DCAF4: variants seen among roughly 807,000 people sequenced by gnomAD.
DCAF4 encodes DDB1 and CUL4 associated factor 4, also known as DDB1- and CUL4-associated factor 4.
A neutral mutation model predicts 60.9 loss-of-function variants in DCAF4; 37 were observed. The ratio of observed to expected loss-of-function variants is 0.61; its 90% CI spans 0.47 to 0.80. The LOEUF is 0.80. DCAF4 is among the 30% of genes least tolerant of loss of function. The probability of loss-of-function intolerance (pLI) is 0.00; values close to 1 mark genes in which losing one functional copy is unlikely to be tolerated. For synonymous variants in DCAF4, 243 were observed against 254.8 expected, an observed-to-expected ratio of 0.95 and a Z score of 0.44; for missense variants, 577 against 650.0, an observed-to-expected ratio of 0.89 and a Z score of 1.22.
At chr14:72,930,623 ATG>A (rs1474840036) in intron 1 of DCAF4, among the ~76,000 whole-genome samples, 1 of 139,806 alleles carries the variant, frequency 7.2e-6, no homozygotes, top group African/African-American at 2.6e-5. Flanking sequence ...AGCCCAATTT[ATG>A]TGTGTATGTG....
chr14:72,928,585 T>TTATATATATATATATATATATATA (rs57258334), intron 1 of DCAF4, among the ~76,000 whole-genome samples: 5 of 15,918 alleles, frequency 3.1e-4, no homozygotes, highest in Admixed American at 9.9e-4. Flanking sequence ...TAAACATCCT[T>TTATATATATATATATATATATATA]TATATATATA....
At chr14:72,946,388 G>C (rs1890750899) in intron 7 of DCAF4, among the ~76,000 whole-genome samples, 2 of 151,950 alleles carry the variant, frequency 1.3e-5, no homozygotes, top group Admixed American at 1.3e-4. Flanking sequence ...CTGGGTAACA[G>C]AGCGAGACCC....
intron 5 of DCAF4, 76 bp from the exon 6 acceptor site, chr14:72,942,918 G>A: frequency 7.3e-7 from 1 of 1,376,442 alleles, no homozygotes; most frequent in Non-Finnish European, 1.0e-6. Context: ...AGCGGGGCAG[G>A]GAAGGCCAGA....
chr14:72,932,064 C>T (rs1888655600), intron 1 of DCAF4, among the ~76,000 whole-genome samples: 1 of 151,078 alleles, frequency 6.6e-6, no homozygotes, highest in Non-Finnish European at 1.5e-5. Flanking sequence ...TCTCGGCTCA[C>T]TGCAACCTCT....
chr14:72,951,401 C>T (rs1284074233), intron 8 of DCAF4, among the ~76,000 whole-genome samples: 2 of 151,796 alleles, frequency 1.3e-5, no homozygotes, highest in Non-Finnish European at 2.9e-5. Flanking sequence ...CACGTGAGGT[C>T]GGGTGTTCGA....
At position 72,959,147 on chromosome 14, in the gene DCAF4, C is replaced by T. The variant is rs1892666838; in HGVS notation, c.*342C>T. 1 of 1,012,652 alleles carries T rather than the reference C, an allele frequency of 9.9e-7. No homozygotes were observed. The highest frequency in any genetic ancestry group is 5.3e-5 in the Admixed American group (1 of 18,880). 62.7% of individuals were successfully genotyped at this position (1,012,652 alleles called of 1,614,324 possible). On this transcript the variant is annotated 3_prime_UTR_variant, in exon 14 of 14. Coordinates refer to ENST00000358377, the MANE Select transcript of DCAF4 (RefSeq NM_015604.4). ...GGCAAAAACGAAAAGCTTCTTCCTC[C>T]AAGAGCCCATTGAAGAAGCCCAGTG...
At chr14:72,933,671 C>T (rs963862045) in intron 1 of DCAF4, among the ~76,000 whole-genome samples, 4 of 152,132 alleles carry the variant, frequency 2.6e-5, no homozygotes, top group Admixed American at 1.3e-4. Flanking sequence ...TCTCTTTAGG[C>T]TCAATTTCTC....
intron 9 of DCAF4, among the ~76,000 whole-genome samples, chr14:72,953,677 T>A (rs1397907223): frequency 1.8e-5 from 2 of 112,722 alleles, no homozygotes; most frequent in South Asian, 3.3e-4. Context: ...GCCACTGCAC[T>A]CCAGACTGGG....
rs146404515 is a variant in DCAF4 at position 72,948,838 on chromosome 14, G to A, written c.728+1647G>A. ...TCTGCATTTTTCCTGCAAGAGTGGT[G>A]GGAAGTTAGATGGAATTCTTTCTAC... On this transcript the variant is annotated intron_variant, in intron 8 of 13. Transcript: ENST00000358377. 4.7e-4 allele frequency among the ~76,000 whole-genome samples: 71 copies of A among 152,288 alleles called. 2 individuals are homozygous for A. The East Asian group carries it at 0.012, about 25-fold the overall frequency.
At chr14:72,961,162 C>T (rs1044030009), downstream of DCAF4, among the ~76,000 whole-genome samples, 1 of 152,142 alleles carries the variant, frequency 6.6e-6, no homozygotes, top group African/African-American at 2.4e-5. Context: ...GCTGGCATTA[C>T]AGACACGAGC....
At chr14:72,951,978 G>T (rs925942119) in intron 9 of DCAF4, 101 bp downstream of exon 9, 1 of 1,266,126 alleles carries the variant, frequency 7.9e-7, no homozygotes, top group South Asian at 1.2e-5. Context: ...GAGGCACTGT[G>T]GGAGGATTCC....
In DCAF4 at chr14:72,935,312, T is replaced by TG. The variant is rs1362870305; in HGVS notation, c.-8-2657dup. 7.9e-5 allele frequency: 12 copies of TG among 151,642 alleles called. No individual in the cohort carries two copies. In the East Asian group the frequency reaches 1.9e-3, roughly 25 times the overall value. The allele number at this position is 151,642 out of a possible 1,614,324, so 9.4% of individuals were successfully genotyped here. A position where few individuals can be genotyped will look rare whatever the true frequency, so the allele number is the denominator to read the frequency against. ...CCCTTTTGCCCAGGCTGGAGTGCGG[T>TG]GGTGCAATCTCAGCTCACTGCAACC... On this transcript the variant is annotated intron_variant, in intron 1 of 13. Coordinates refer to ENST00000358377, the MANE Select transcript of DCAF4 (RefSeq NM_015604.4).
In DCAF4 at chr14:72,958,733, G is replaced by T. The variant is rs773833882; in HGVS notation, c.1416G>T (p.Leu472=). Residue 472 remains leucine (L), a synonymous_variant, in exon 14 of 14, where the codon CTG becomes CTT. Coordinates refer to ENST00000358377, the MANE Select transcript of DCAF4 (RefSeq NM_015604.4). ...DIPSVAFSSR[L]GGSRGAPGLL... ...CCAGTGTGGCCTTCTCGTCGCGGCT[G>T]GGGGGCTCCCGGGGCGCGCCGGGGC... 2 of 1,613,006 alleles carry T rather than the reference G, an allele frequency of 1.2e-6. No homozygotes were observed. Among genetic ancestry groups the T allele is most frequent in the Non-Finnish European group, 1.7e-6 (2 of 1,179,478 alleles).
chr14:72,955,648 G>C lies in DCAF4; in HGVS notation c.1131G>C (p.Arg377=). 6.2e-7 allele frequency: 1 copy of C among 1,614,154 alleles called. No individual in the cohort carries two copies. Among genetic ancestry groups the C allele is most frequent in the Non-Finnish European group, 8.5e-7 (1 of 1,180,020 alleles). The change falls in exon 12 of 14, where the codon CGG becomes CGC. Residue 377 remains arginine (R), a synonymous_variant. Transcript: ENST00000358377. ...ATGATTCAGCAGTGACCTCTGTGCG[G>C]ATCCTCCAAGATGAGCAATACCTGA... The part of the protein sequence containing the change: ...LFHDSAVTSV[R]ILQDEQYLMA...
At position 72,951,858 on chromosome 14, in the gene DCAF4, GTTCGTCAATA is replaced by G; in HGVS notation, c.790_799del (p.Phe264ValfsTer5). The G allele has an allele frequency of 6.2e-7, 1 of 1,614,126 alleles. No homozygotes were observed. The highest frequency in any genetic ancestry group is 1.1e-5 in the South Asian group (1 of 91,080). On this transcript the variant is annotated frameshift_variant, in exon 9 of 14. Transcript: ENST00000358377. LOFTEE classifies it high-confidence loss of function. ...GTGCCACCCTGCTCCCAGCATCACT[GTTCGTCAATA>G]GTCACCCAGGTACAGGGTTCTCCTC...
intron 1 of DCAF4, among the ~76,000 whole-genome samples, chr14:72,928,233 G>T (rs1305587058): frequency 1.3e-5 from 1 of 74,152 alleles, no homozygotes; most frequent in African/African-American, 5.8e-5. Context: ...CACTATTGTT[G>T]CCCAGGCTGG....
chr14:72,953,731 AAATATATATATATAT>A lies in DCAF4; in HGVS notation c.809-431_809-417del, dbSNP rs1451238091. Among the ~76,000 whole-genome samples, 245 of 36,552 alleles carry A rather than the reference AAATATATATATATAT, an allele frequency of 6.7e-3. 29 individuals carry two copies. Among genetic ancestry groups the A allele is most frequent in the African/African-American group, 0.036 (242 of 6,774 alleles). The allele number at this position is 36,552 out of a possible 152,430, so 24.0% of individuals were successfully genotyped here. On this transcript the variant is annotated intron_variant, in intron 9 of 13. Coordinates refer to ENST00000358377, the MANE Select transcript of DCAF4 (RefSeq NM_015604.4). ...TCTTAAAAAAAAAAAAAAAAAAAAA[AAATATATATATATAT>A]ATATATATATATATATAGTTTATTT...
intron 1 of DCAF4, among the ~76,000 whole-genome samples, chr14:72,928,623 C>G (rs1414584254): frequency 7.0e-6 from 1 of 143,726 alleles, no homozygotes; most frequent in Non-Finnish European, 1.5e-5. Context: ...ATATAGTTCA[C>G]ATACCCTAAA....
At chr14:72,955,724 ACAGGGTCT>A in intron 12 of DCAF4, 28 bp downstream of exon 12, 1 of 1,596,762 alleles carries the variant, frequency 6.3e-7, no homozygotes, top group Non-Finnish European at 8.6e-7. Flanking sequence ...TTCTCAGGCC[ACAGGGTCT>A]CGTGGCCCAG....
Sources: allele counts gnomAD v4.1 joint callset (sites outside exome capture counted in the v4.1 genomes callset), GRCh38; gene constraint gnomAD v4.1.1; transcripts MANE v1.5; gene names NCBI Gene and HGNC (gene_info 2026-07-23, HGNC 2026-07-21).